Variants in DIAPH2 observed in about 807,000 individuals in gnomAD.
DIAPH2 encodes protein diaphanous homolog 2.
A neutral mutation model predicts 92.7 loss-of-function variants in DIAPH2; 35 were observed. That is an observed-to-expected ratio of 0.38 (90% confidence interval 0.29 to 0.50). The LOEUF is 0.50. Ranked by LOEUF, DIAPH2 falls within the 20% of genes least tolerant of loss-of-function variation. The pLI is 0.94. For synonymous variants in DIAPH2, 301 were observed against 280.4 expected (o/e 1.07, Z -0.73); for missense variants, 701 against 819.5 (o/e 0.86, Z 1.77).
At chrX:97,300,931 TAAAAAAAAAAAA>T (rs774601881) in intron 23 of DIAPH2, among the ~76,000 whole-genome samples, 314 of 10,790 alleles carry the variant, frequency 0.029, 6 homozygotes, top group African/African-American at 0.09. Context: ...GACTCCGTCT[TAAAAAAAAAAAA>T]AAAAAAAAAA....
chrX:97,293,890 T>C (rs761841261), intron 23 of DIAPH2, among the ~76,000 whole-genome samples: 1 of 112,260 alleles, frequency 8.9e-6, no homozygotes, highest in East Asian at 2.8e-4. Context: ...CAAAAGATAA[T>C]GTTTGAATTT....
chrX:96,815,356 G>A (rs754688208), intron 4 of DIAPH2, among the ~76,000 whole-genome samples: 2 of 111,594 alleles, frequency 1.8e-5, no homozygotes, highest in East Asian at 2.8e-4. Context: ...TAATCTTCTC[G>A]TGTGCTGTTT....
At chrX:97,460,972 T>A (rs781319051) in intron 26 of DIAPH2, among the ~76,000 whole-genome samples, 3 of 112,379 alleles carry the variant, frequency 2.7e-5, no homozygotes, top group Non-Finnish European at 5.6e-5. Context: ...ACTTGTGAAA[T>A]AAGAGAGCTA....
chrX:97,040,577 G>A lies in DIAPH2; in HGVS notation c.2051-32364G>A, dbSNP rs751680781. ...CATTTTTGTATATGTTGCTGGAGGC[G>A]CTTTTGCACTGCTATGTTTTAGAAA... On this transcript the variant is annotated intron_variant, in intron 17 of 26. Coordinates refer to ENST00000324765, the MANE Select transcript of DIAPH2 (RefSeq NM_006729.5). 8.1e-5 allele frequency among the ~76,000 whole-genome samples: 9 copies of A among 110,469 alleles called. 1 individual carries two copies. The highest frequency in any genetic ancestry group is 1.6e-4 in the African/African-American group (5 of 30,513).
intron 4 of DIAPH2, among the ~76,000 whole-genome samples, chrX:96,878,734 G>A (rs1043024717): frequency 9.0e-5 from 10 of 111,152 alleles, no homozygotes; most frequent in African/African-American, 3.3e-4. Flanking sequence ...ATCCTGTAGG[G>A]AATCAATTAG....
chrX:97,180,895 T>C (rs1444769744), intron 22 of DIAPH2, among the ~76,000 whole-genome samples: 1 of 111,898 alleles, frequency 8.9e-6, no homozygotes, highest in Non-Finnish European at 1.9e-5. Context: ...CCATGCTGTT[T>C]TGGTTACTGT....
chrX:97,183,903 C>T (rs1026256064), intron 22 of DIAPH2, among the ~76,000 whole-genome samples: 5 of 112,267 alleles, frequency 4.5e-5, no homozygotes, highest in African/African-American at 1.6e-4. Context: ...CACTAATCTT[C>T]AAATACTAAT....
chrX:97,417,288 A>T (rs1471647507), intron 25 of DIAPH2, among the ~76,000 whole-genome samples: 2 of 111,093 alleles, frequency 1.8e-5, no homozygotes, highest in South Asian at 3.9e-4. Context: ...GGAAAGGATG[A>T]TACACTCCTC....
intron 1 of DIAPH2, among the ~76,000 whole-genome samples, chrX:96,718,498 C>T (rs753516380): frequency 3.5e-4 from 38 of 107,432 alleles, no homozygotes; most frequent in African/African-American, 1.1e-3. Context: ...GGACTATAGG[C>T]GCGTGCCATC....
At chrX:97,519,284 T>G (rs930764282) in intron 26 of DIAPH2, among the ~76,000 whole-genome samples, 8 of 111,968 alleles carry the variant, frequency 7.1e-5, no homozygotes, top group African/African-American at 2.6e-4. Context: ...AGAGATCTCT[T>G]ACTTTTAAAA....
intron 17 of DIAPH2, among the ~76,000 whole-genome samples, chrX:97,044,047 G>A (rs1476412468): frequency 1.8e-5 from 2 of 111,952 alleles, no homozygotes; most frequent in Non-Finnish European, 3.8e-5. Context: ...AAAGAAAAAT[G>A]AATAACTTGC....
intron 17 of DIAPH2, among the ~76,000 whole-genome samples, chrX:97,007,074 AG>A (rs2066188154): frequency 9.0e-6 from 1 of 111,364 alleles, no homozygotes; most frequent in South Asian, 3.9e-4. Flanking sequence ...TCTACACTTT[AG>A]CCTCATCCCC....
chrX:97,442,983 A>C (rs2070274541), intron 26 of DIAPH2, among the ~76,000 whole-genome samples: 1 of 111,618 alleles, frequency 9.0e-6, no homozygotes. Flanking sequence ...TCATGGGCTC[A>C]AGGGATTCTC....
rs1035300816 is a variant in DIAPH2 at position 96,734,863 on chromosome X, G to C, written c.133-895G>C. On this transcript the variant is annotated intron_variant, in intron 1 of 26. Transcript: ENST00000324765. The stretch of plus-strand genomic sequence containing the variant: ...GTGAGAAGACCCTATTTTTTTTTTA[G>C]TGTGCATGACCAAGTTGATATACAT... Among the ~76,000 whole-genome samples, 36 of 107,377 alleles carry C rather than the reference G, an allele frequency of 3.4e-4. 1 individual carries two copies. The highest frequency in any genetic ancestry group is 9.6e-5 in the Non-Finnish European group (5 of 51,903). The allele number at this position is 107,377 out of a possible 115,157, so 93.2% of individuals were successfully genotyped here. A position where few individuals can be genotyped will look rare whatever the true frequency, so the allele number is the denominator to read the frequency against.
chrX:97,471,606 C>G (rs1268089885), intron 26 of DIAPH2, among the ~76,000 whole-genome samples: 1 of 98,201 alleles, frequency 1.0e-5, no homozygotes, highest in Non-Finnish European at 2.0e-5. Context: ...AGGAGAATTG[C>G]TTGAACCTGG....
intron 25 of DIAPH2, among the ~76,000 whole-genome samples, chrX:97,408,482 A>T (rs1004783191): frequency 1.8e-5 from 2 of 111,317 alleles, no homozygotes; most frequent in African/African-American, 6.5e-5. Context: ...TTTGAAGTTA[A>T]TTTTTTTCTA....
chrX:96,686,283 G>T (rs183703406), intron 1 of DIAPH2, among the ~76,000 whole-genome samples: 22 of 111,550 alleles, frequency 2.0e-4, no homozygotes, highest in African/African-American at 6.8e-4. Flanking sequence ...GTACAAAACT[G>T]TGGTTTAATC....
intron 7 of DIAPH2, among the ~76,000 whole-genome samples, chrX:96,914,620 C>A (rs887810726): frequency 3.6e-5 from 4 of 110,149 alleles, no homozygotes; most frequent in Non-Finnish European, 7.6e-5. Context: ...TAATTTTAAT[C>A]AGGACAGTCA....
intron 22 of DIAPH2, among the ~76,000 whole-genome samples, chrX:97,199,404 A>G (rs776480756): frequency 9.0e-6 from 1 of 111,453 alleles, no homozygotes; most frequent in Non-Finnish European, 1.9e-5. Flanking sequence ...ATATGTGTGT[A>G]TCTGTATCTT....
Sources: gnomAD v4.1 joint callset for allele counts (sites outside exome capture counted in the v4.1 genomes callset) on GRCh38, gnomAD v4.1.1 for gene constraint, MANE v1.5 for transcripts, NCBI Gene and HGNC (gene_info 2026-07-23, HGNC 2026-07-21) for gene names.